NUP98: variants seen among roughly 807,000 people sequenced by gnomAD.
NUP98 encodes the protein nuclear pore complex protein Nup98-Nup96.
In NUP98, 26 loss-of-function variants were observed where a neutral mutation model predicts 191.9. The observed-to-expected ratio is 0.14, with a 90% CI of 0.10 to 0.19. NUP98 has a LOEUF of 0.19. NUP98 is among the 10% of genes least tolerant of loss of function. The pLI, the probability that NUP98 is intolerant of heterozygous loss-of-function variation, is 1.00. For synonymous variants in NUP98, 808 were observed against 778.4 expected, an observed-to-expected ratio of 1.04 and a Z score of -0.63; for missense variants, 1,941 against 2,178.8, an observed-to-expected ratio of 0.89 and a Z score of 2.17.
At position 3,720,824 on chromosome 11, in the gene NUP98, A is replaced by G; in HGVS notation, c.2148T>C (p.Gly716=). 1.2e-6 allele frequency: 1 copy of G among 857,434 alleles called. No homozygotes were observed. Among genetic ancestry groups the G allele is most frequent in the Non-Finnish European group, 1.8e-6 (1 of 564,076 alleles). 53.1% of individuals were successfully genotyped at this position (857,434 alleles called of 1,614,324 possible). A position where few individuals can be genotyped will look rare whatever the true frequency, so the allele number is the denominator to read the frequency against. ...ENNSYHMHPA[G]IILTKVGYYT... Reference sequence around the variant, plus strand: ...AGTAACCAACCTTAGTGAGAATAATACCTGTGACAAAAAAAAAAAAAAAAA... The same window carrying G: ...AGTAACCAACCTTAGTGAGAATAATGCCTGTGACAAAAAAAAAAAAAAAAA... The change falls in exon 17 of 33, where the codon GGT becomes GGC. Residue 716 remains glycine (G), a splice_region_variant and synonymous_variant. Coordinates refer to ENST00000324932, the MANE Select transcript of NUP98 (RefSeq NM_016320.5).
rs879484468 is a variant in NUP98 at position 3,736,421 on chromosome 11, C to T, written c.1409-1097G>A. Reference sequence around the variant, plus strand: ...GCCTGTAATCCCAGCACTGGGAGGTCGTGGCGAGCAGATCACTTGAGGTGA... The same window carrying T: ...GCCTGTAATCCCAGCACTGGGAGGTTGTGGCGAGCAGATCACTTGAGGTGA... On this transcript the variant is annotated intron_variant, in intron 12 of 32. Transcript: ENST00000324932. 5.3e-5 allele frequency among the ~76,000 whole-genome samples: 8 copies of T among 152,238 alleles called. No homozygotes were observed. In the East Asian group the frequency reaches 1.3e-3, roughly 26 times the overall value.
chr11:3,784,353 A>G (rs575741546), intron 1 of NUP98, among the ~76,000 whole-genome samples: 37 of 152,302 alleles, frequency 2.4e-4, no homozygotes, highest in African/African-American at 8.9e-4. Flanking sequence ...TAAGTTCTTT[A>G]TCTCAATATC....
intron 10 of NUP98, among the ~76,000 whole-genome samples, chr11:3,757,617 G>A (rs556266195): frequency 6.6e-6 from 1 of 150,888 alleles, no homozygotes; most frequent in South Asian, 2.1e-4. Context: ...TGGCCAACAT[G>A]GTAAAACCCT....
chr11:3,777,604 G>A (rs988269167), intron 4 of NUP98, among the ~76,000 whole-genome samples: 79 of 112,002 alleles, frequency 7.1e-4, no homozygotes, highest in Non-Finnish European at 1.0e-3. Flanking sequence ...CCGGGTAACA[G>A]ATCAAGACTC....
At chr11:3,779,106 T>C (rs757705806) in intron 3 of NUP98, 50 bp downstream of exon 3, 1 of 1,613,048 alleles carries the variant, frequency 6.2e-7, no homozygotes, top group Admixed American at 1.7e-5. Flanking sequence ...CTAAGTCAAT[T>C]CCTATACTAG....
intron 6 of NUP98, among the ~76,000 whole-genome samples, chr11:3,772,324 A>G (rs2133908341): frequency 6.6e-6 from 1 of 152,370 alleles, no homozygotes; most frequent in East Asian, 1.9e-4. Context: ...AAAGTTTATC[A>G]ATTTTGTCTC....
intron 18 of NUP98, among the ~76,000 whole-genome samples, chr11:3,717,542 C>G (rs2079230062): frequency 6.6e-6 from 1 of 152,116 alleles, no homozygotes; most frequent in Admixed American, 6.5e-5. Context: ...TATCCTGTAA[C>G]TTTGTTGAAT....
chr11:3,754,563 T>C (rs756808401), intron 10 of NUP98, among the ~76,000 whole-genome samples: 1 of 152,176 alleles, frequency 6.6e-6, no homozygotes, highest in Non-Finnish European at 1.5e-5. Flanking sequence ...CTAGCCAGGA[T>C]AGTAACGTGT....
chr11:3,740,871 T>A (rs956764206), intron 12 of NUP98, among the ~76,000 whole-genome samples: 1 of 150,850 alleles, frequency 6.6e-6, no homozygotes, highest in South Asian at 2.1e-4. Context: ...CAGGCTGGAG[T>A]GTAGCGGCGT....
At chr11:3,757,245 T>C (rs938623832) in intron 10 of NUP98, among the ~76,000 whole-genome samples, 3 of 151,988 alleles carry the variant, frequency 2.0e-5, no homozygotes, top group Non-Finnish European at 4.4e-5. Context: ...TCCCAGCACT[T>C]TGGGAAGCCA....
intron 10 of NUP98, among the ~76,000 whole-genome samples, chr11:3,754,855 T>C (rs1258187185): frequency 6.7e-6 from 1 of 150,370 alleles, no homozygotes; most frequent in Non-Finnish European, 1.5e-5. Context: ...AGCAGGAGAA[T>C]TGCTTAAACC....
chr11:3,705,465 T>C (rs1284595594), intron 21 of NUP98, 109 bp from the exon 22 acceptor site: 8 of 1,015,702 alleles, frequency 7.9e-6, no homozygotes, highest in Admixed American at 2.1e-5. Flanking sequence ...CTCAAGGCTG[T>C]GTACAGAGCT....
chr11:3,675,551 A>G lies in NUP98; in HGVS notation c.*608T>C, dbSNP rs1413034240. 1 of 234,304 alleles carries G rather than the reference A, an allele frequency of 4.3e-6. No homozygotes were observed. Among genetic ancestry groups the G allele is most frequent in the Non-Finnish European group, 8.4e-6 (1 of 118,400 alleles). The allele number at this position is 234,304 out of a possible 1,614,324, so 14.5% of individuals were successfully genotyped here. On this transcript the variant is annotated 3_prime_UTR_variant, in exon 33 of 33. Transcript: ENST00000324932. ...CATGGAACTCTAAAGGCAGGAACAA[A>G]AACAGCCCTGAAGATCAATCCCTCC... is the stretch of plus-strand genomic sequence containing the variant.
chr11:3,710,903 C>A (rs1402575436), intron 20 of NUP98, among the ~76,000 whole-genome samples: 1 of 152,322 alleles, frequency 6.6e-6, no homozygotes, highest in Non-Finnish European at 1.5e-5. Flanking sequence ...CTCTTCCCAA[C>A]CAAAAGGTCA....
chr11:3,742,934 ATTCT>A (rs1554895727), intron 12 of NUP98, among the ~76,000 whole-genome samples: 6 of 152,146 alleles, frequency 3.9e-5, no homozygotes, highest in Non-Finnish European at 1.5e-5. Flanking sequence ...CTGACTATTC[ATTCT>A]ATTTATCTCA....
chr11:3,714,056 A>C, intron 18 of NUP98, 61 bp from the exon 19 acceptor site: 1 of 1,491,182 alleles, frequency 6.7e-7, no homozygotes, highest in Non-Finnish European at 9.3e-7. Context: ...ATATAAGACC[A>C]GAAAGCCACC....
chr11:3,787,704 A>G (rs2082190518), intron 1 of NUP98, among the ~76,000 whole-genome samples: 1 of 148,662 alleles, frequency 6.7e-6, no homozygotes, highest in African/African-American at 2.5e-5. Context: ...GTATAAAAAC[A>G]CTTTAAAGGC....
At chr11:3,691,556 T>C in intron 27 of NUP98, 67 bp from the exon 28 acceptor site, 1 of 1,516,600 alleles carries the variant, frequency 6.6e-7, no homozygotes, top group Non-Finnish European at 9.0e-7. Flanking sequence ...CCATTATGTT[T>C]CTTCTTTTTT....
intron 1 of NUP98, among the ~76,000 whole-genome samples, chr11:3,795,262 A>G (rs1476149120): frequency 1.3e-5 from 2 of 152,104 alleles, no homozygotes; most frequent in East Asian, 3.8e-4. Context: ...CAACATAGCG[A>G]AACCCTGTCT....
Sources: gnomAD v4.1 joint callset for allele counts (sites outside exome capture counted in the v4.1 genomes callset) on GRCh38, gnomAD v4.1.1 for gene constraint, MANE v1.5 for transcripts, NCBI Gene and HGNC (gene_info 2026-07-23, HGNC 2026-07-21) for gene names.